Variants in CAPN15 observed in about 807,000 individuals in gnomAD.
CAPN15 encodes the protein calpain 15, also known as calpain-15.
Under a neutral mutation model 97.9 loss-of-function variants are expected in CAPN15, and 53 were observed. That is an observed-to-expected ratio of 0.54 (90% CI 0.43 to 0.68). CAPN15 has a LOEUF of 0.68. CAPN15 is among the 30% of genes least tolerant of loss of function. The probability of loss-of-function intolerance (pLI) is 0.00; values close to 1 mark genes in which losing one functional copy is unlikely to be tolerated. For missense variants in CAPN15, 1,592 were observed against 1,589.8 expected (o/e 1.00, Z -0.02); for synonymous variants, 922 against 722.5 (o/e 1.28, Z -4.43).
In CAPN15 at chr16:549,283, C is replaced by T. The variant is rs113355690; in HGVS notation, c.1659-5C>T. 0.015 allele frequency: 24,327 copies of T among 1,580,756 alleles called. 234 individuals carry two copies. Among genetic ancestry groups the T allele is most frequent in the Non-Finnish European group, 0.018 (21,373 of 1,170,338 alleles). Reference sequence around the variant, plus strand: ...CCCGCGAGGTCACCCTGAGGCTCTGCGCAGGTTCCTGAGCGCCCTGGCGGT... The same window carrying T: ...CCCGCGAGGTCACCCTGAGGCTCTGTGCAGGTTCCTGAGCGCCCTGGCGGT... On this transcript the variant is annotated splice_region_variant and splice_polypyrimidine_tract_variant and intron_variant, in intron 5 of 13. Coordinates refer to ENST00000219611, the MANE Select transcript of CAPN15 (RefSeq NM_005632.3).
rs538999660 is a variant in CAPN15 at position 553,706 on chromosome 16, G to A, written c.*190G>A. The stretch of plus-strand genomic sequence containing the variant: ...TTCCCCTCCCTGAACCCCACAGTCC[G>A]CCTGGCCAGGCCTCCTGGCCGCCAC... On this transcript the variant is annotated 3_prime_UTR_variant, in exon 14 of 14. Coordinates refer to ENST00000219611, the MANE Select transcript of CAPN15 (RefSeq NM_005632.3). The A allele has an allele frequency of 3.4e-5, 16 of 473,912 alleles. No individual in the cohort carries two copies. The highest frequency in any genetic ancestry group is 1.1e-4 in the Admixed American group (3 of 26,172). 29.4% of individuals were successfully genotyped at this position (473,912 alleles called of 1,614,324 possible).
At position 550,753 on chromosome 16, in the gene CAPN15, G is replaced by C. The variant is rs2034953059; in HGVS notation, c.2067-549G>C. ...GTCCCCGTCGGTGAGGGTCCCGGTCGGTGAGGGTCCCCTGCCGGTGAGGGT... is the reference window on the plus strand; with the variant it reads ...GTCCCCGTCGGTGAGGGTCCCGGTCCGTGAGGGTCCCCTGCCGGTGAGGGT... On this transcript the variant is annotated intron_variant, in intron 7 of 13. Coordinates refer to ENST00000219611, the MANE Select transcript of CAPN15 (RefSeq NM_005632.3). Among the ~76,000 whole-genome samples, 2 of 135,094 alleles carry C rather than the reference G, an allele frequency of 1.5e-5. 1 individual carries two copies. The highest frequency in any genetic ancestry group is 4.9e-4 in the South Asian group (2 of 4,056). The allele number at this position is 135,094 out of a possible 152,430, so 88.6% of individuals were successfully genotyped here. A position where few individuals can be genotyped will look rare whatever the true frequency, so the allele number is the denominator to read the frequency against.
chr16:541,511 G>T (rs992166140), intron 3 of CAPN15, among the ~76,000 whole-genome samples: 2 of 152,230 alleles, frequency 1.3e-5, no homozygotes, highest in African/African-American at 2.4e-5. Flanking sequence ...CTCCTCCTGC[G>T]TGTGGTGGCA....
chr16:535,417 C>T lies in CAPN15; in HGVS notation c.-136-612C>T, dbSNP rs1213869958. 2 of 154,298 alleles carry T rather than the reference C, an allele frequency of 1.3e-5. No individual in the cohort carries two copies. Among genetic ancestry groups the T allele is most frequent in the Non-Finnish European group, 2.9e-5 (2 of 68,130 alleles). The allele number at this position is 154,298 out of a possible 1,614,324, so 9.6% of individuals were successfully genotyped here. A position where few individuals can be genotyped will look rare whatever the true frequency, so the allele number is the denominator to read the frequency against. On this transcript the variant is annotated intron_variant, in intron 2 of 13. Coordinates refer to ENST00000219611, the MANE Select transcript of CAPN15 (RefSeq NM_005632.3). This position sits in a 1 kb window ranked among gnomAD's most constrained non-coding sequence, Gnocchi z 6.2. ...CTGGCTGGATGCTCCTTGCTGCCCTCACGGGGTGTGTGTGTGGCATACAGG... is the reference window on the plus strand; with the variant it reads ...CTGGCTGGATGCTCCTTGCTGCCCTTACGGGGTGTGTGTGTGGCATACAGG...
At chr16:551,733 C>T (rs1170367881) in intron 9 of CAPN15, 69 bp downstream of exon 9, 15 of 1,559,418 alleles carry the variant, frequency 9.6e-6, no homozygotes, top group Non-Finnish European at 1.3e-5. Flanking sequence ...CTCTGGAGAA[C>T]AAGCCTGTCC....
At chr16:537,189 C>G in intron 3 of CAPN15, 1 of 985,484 alleles carries the variant, frequency 1.0e-6, no homozygotes, top group Non-Finnish European at 1.2e-6. Flanking sequence ...TCCCTGCTCT[C>G]CTAGGACAGG....
intron 7 of CAPN15, among the ~76,000 whole-genome samples, chr16:550,778 T>TG (rs2034960672): frequency 5.9e-4 from 1 of 1,706 alleles, no homozygotes; most frequent in African/African-American, 4.6e-3. Flanking sequence ...CCGGTGAGGG[T>TG]CCCGGTCGGT....
chr16:553,330 C>T lies in CAPN15; in HGVS notation c.3084-9C>T, dbSNP rs2035249622. 2 of 1,596,218 alleles carry T rather than the reference C, an allele frequency of 1.3e-6. No individual in the cohort carries two copies. The highest frequency in any genetic ancestry group is 2.7e-5 in the African/African-American group (2 of 73,306). The stretch of plus-strand genomic sequence containing the variant: ...CCCTCCACAGGTCCTCACCGGTCCC[C>T]TCCCCCAGGCAGGTCCTGGTGATCT... On this transcript the variant is annotated splice_polypyrimidine_tract_variant and intron_variant, in intron 13 of 13. Coordinates refer to ENST00000219611, the MANE Select transcript of CAPN15 (RefSeq NM_005632.3).
Position 547,972 on chromosome 16 carries a change from C to G in CAPN15, c.1134C>G (p.Pro378=), listed in dbSNP as rs917577959. 1.6e-5 allele frequency: 26 copies of G among 1,584,232 alleles called. No individual in the cohort carries two copies. Among genetic ancestry groups the G allele is most frequent in the Non-Finnish European group, 2.1e-5 (24 of 1,167,158 alleles). ...GCTTCCAGGAGCATGGCGAGCCCCC[C>G]ACCCACTGCCCCGACTGTGGGGCCG... The part of the protein sequence containing the change: ...LHGFQEHGEP[P]THCPDCGADK... The change falls in exon 4 of 14, where the codon CCC becomes CCG. Residue 378 remains proline, a synonymous_variant. Coordinates refer to ENST00000219611, the MANE Select transcript of CAPN15 (RefSeq NM_005632.3).
intron 13 of CAPN15, 36 bp from the exon 14 acceptor site, chr16:553,302 CT>C (rs1220776784): frequency 6.5e-7 from 1 of 1,530,004 alleles, no homozygotes; most frequent in Non-Finnish European, 9.0e-7. Flanking sequence ...CATCCCCACC[CT>C]GCCCTCCACA....
intron 1 of CAPN15, among the ~76,000 whole-genome samples, chr16:529,834 A>T (rs1020219417): frequency 6.6e-6 from 1 of 152,194 alleles, no homozygotes; most frequent in African/African-American, 2.4e-5. Context: ...TCGGCCCTGG[A>T]CCGTGAGGCT....
At position 552,283 on chromosome 16, in the gene CAPN15, C is replaced by T. The variant is rs768230998; in HGVS notation, c.2508-18C>T. 4 of 1,543,154 alleles carry T rather than the reference C, an allele frequency of 2.6e-6. No individual in the cohort carries two copies. The highest frequency in any genetic ancestry group is 3.5e-6 in the Non-Finnish European group (4 of 1,146,912). Reference sequence around the variant, plus strand: ...GGCCGTGACCACGCGTGACCCTGGCCCGTGGTGTCTGGCGCAGGCGCTCGG... The same window carrying T: ...GGCCGTGACCACGCGTGACCCTGGCTCGTGGTGTCTGGCGCAGGCGCTCGG... On this transcript the variant is annotated intron_variant, in intron 10 of 13. Coordinates refer to ENST00000219611, the MANE Select transcript of CAPN15 (RefSeq NM_005632.3). The surrounding 1 kb of genome is among the most constrained non-coding windows in gnomAD (Gnocchi z 6.4).
rs1250524191 is a variant in CAPN15 at position 531,497 on chromosome 16, G to A, written c.-189-2449G>A. Among the ~76,000 whole-genome samples the A allele has an allele frequency of 2.0e-5, 3 of 152,322 alleles. No homozygotes were observed. In the East Asian group the frequency reaches 5.8e-4, roughly 29 times the overall value. On this transcript the variant is annotated intron_variant, in intron 1 of 13. Transcript: ENST00000219611. ...AGGCAATAAGTTTTGGAGCTTTCTG[G>A]AGTTCCTGCCCCTCCTGAAAAGGTG...
intron 3 of CAPN15, among the ~76,000 whole-genome samples, chr16:542,873 G>A (rs2034221205): frequency 6.6e-6 from 1 of 152,208 alleles, no homozygotes; most frequent in Non-Finnish European, 1.5e-5. Flanking sequence ...GGCCAACATG[G>A]TGAAACCCCA....
intron 2 of CAPN15, among the ~76,000 whole-genome samples, chr16:534,554 C>T (rs965088954): frequency 5.3e-5 from 8 of 152,190 alleles, no homozygotes; most frequent in African/African-American, 1.9e-4. Flanking sequence ...GCAGGAGCTT[C>T]CTGTCCTTGG....
intron 2 of CAPN15, among the ~76,000 whole-genome samples, chr16:534,973 G>A (rs773461535): frequency 2.6e-5 from 4 of 152,190 alleles, no homozygotes; most frequent in African/African-American, 4.8e-5. Context: ...GGAGGGCTCG[G>A]GGGTACAGCC....
At chr16:542,985 A>G (rs1484657598) in intron 3 of CAPN15, among the ~76,000 whole-genome samples, 3 of 150,138 alleles carry the variant, frequency 2.0e-5, no homozygotes, top group Non-Finnish European at 2.9e-5. Context: ...TGGGAGGCGG[A>G]GGTTGCAGTG....
chr16:531,856 CA>C (rs1355999698), intron 1 of CAPN15, among the ~76,000 whole-genome samples: 1 of 152,204 alleles, frequency 6.6e-6, no homozygotes, highest in Non-Finnish European at 1.5e-5. Context: ...CTGCCCAGAC[CA>C]GGGCTGCTTC....
chr16:529,110 G>A (rs892682043), intron 1 of CAPN15, among the ~76,000 whole-genome samples: 9 of 151,824 alleles, frequency 5.9e-5, no homozygotes, highest in African/African-American at 1.2e-4. Flanking sequence ...TGCCTCCTCC[G>A]AGGTCCTTCT....
Sources: allele counts gnomAD v4.1 joint callset (sites outside exome capture counted in the v4.1 genomes callset), GRCh38; gene constraint gnomAD v4.1.1; non-coding constraint Gnocchi (gnomAD v3.1); transcripts MANE v1.5; gene names NCBI Gene and HGNC (gene_info 2026-07-23, HGNC 2026-07-21).